The following UBXN4 variants were observed in gnomAD, a reference collection of about 807,000 sequenced individuals.
The protein encoded by UBXN4 is UBX domain-containing protein 4.
In UBXN4, 35 loss-of-function variants were observed where a neutral mutation model predicts 66.2. That is an observed-to-expected ratio of 0.53 (90% CI 0.40 to 0.70). The LOEUF is 0.70. UBXN4 is among the 30% of genes least tolerant of loss of function. The pLI is 0.00. For synonymous variants in UBXN4, 203 were observed against 204.5 expected (o/e 0.99, Z 0.06); for missense variants, 533 against 599.8 (o/e 0.89, Z 1.16).
At chr2:135,768,699 G>A (rs980612560) in intron 6 of UBXN4, among the ~76,000 whole-genome samples, 1 of 151,836 alleles carries the variant, frequency 6.6e-6, no homozygotes, top group Non-Finnish European at 1.5e-5. Context: ...GAGTAGCTGG[G>A]TTTACAGGCG....
chr2:135,776,569 T>G (rs892789313), intron 10 of UBXN4, among the ~76,000 whole-genome samples: 1 of 152,138 alleles, frequency 6.6e-6, no homozygotes, highest in African/African-American at 2.4e-5. Flanking sequence ...TTTGCTGATA[T>G]TGTATAATAG....
At chr2:135,775,269 A>G (rs1244703690) in intron 9 of UBXN4, among the ~76,000 whole-genome samples, 1 of 152,272 alleles carries the variant, frequency 6.6e-6, no homozygotes, top group African/African-American at 2.4e-5. Context: ...TAGTGTTATC[A>G]TAGGACCCAG....
chr2:135,778,558 T>A (rs910870632), intron 10 of UBXN4, among the ~76,000 whole-genome samples: 2 of 152,202 alleles, frequency 1.3e-5, no homozygotes, highest in African/African-American at 4.8e-5. Flanking sequence ...CTAGTCCAAA[T>A]TCTTAATAGG....
intron 1 of UBXN4, 140 bp downstream of exon 1, chr2:135,742,151 G>T: frequency 1.0e-6 from 1 of 1,001,322 alleles, no homozygotes; most frequent in Non-Finnish European, 1.4e-6. Context: ...ACTACCCCGC[G>T]CCCCAGGGAC....
rs757687917 is a variant in UBXN4, at chr2:135,764,881, C to T, written c.602+2970C>T. Among the ~76,000 whole-genome samples, 35 of 152,312 alleles carry T rather than the reference C, an allele frequency of 2.3e-4. 1 individual carries two copies. Among genetic ancestry groups the T allele is most frequent in the African/African-American group, 8.4e-4 (35 of 41,578 alleles). ...CCAGGCTGGAGTGCAGTGACATGAT[C>T]TCGGCTCACTGCAACCTCCTCCACC... On this transcript the variant is annotated intron_variant, in intron 6 of 12. Transcript: ENST00000272638.
chr2:135,779,879 TTATA>T (rs2077439084), intron 11 of UBXN4, among the ~76,000 whole-genome samples: 1 of 65,902 alleles, frequency 1.5e-5, no homozygotes, highest in Admixed American at 1.4e-4. Flanking sequence ...AATTTTATAA[TTATA>T]ATATATTATA....
intron 9 of UBXN4, among the ~76,000 whole-genome samples, chr2:135,774,599 C>T (rs563193808): frequency 2.6e-5 from 4 of 152,288 alleles, no homozygotes; most frequent in African/African-American, 7.2e-5. Flanking sequence ...AATCCCAGCA[C>T]TTTGGAAGAC....
In UBXN4 at chr2:135,770,579, TAAG is replaced by T. The variant is rs1251610497; in HGVS notation, c.670_672del (p.Lys224del). On this transcript the variant is annotated inframe_deletion, in exon 8 of 13. Transcript: ENST00000272638. ...CTTTTTCTTTAATTCAGAGAGAAAT[TAAG>T]AAGGAAATTGAGAGGAGAAAAACTG... The T allele has an allele frequency of 9.4e-6, 14 of 1,490,728 alleles. No homozygotes were observed. Among genetic ancestry groups the T allele is most frequent in the South Asian group, 6.9e-5 (5 of 72,436 alleles). The allele number at this position is 1,490,728 out of a possible 1,614,324, so 92.3% of individuals were successfully genotyped here. A position where few individuals can be genotyped will look rare whatever the true frequency, so the allele number is the denominator to read the frequency against.
rs574331506 is a variant in UBXN4 at position 135,761,862 on chromosome 2, G to C, written c.553G>C (p.Gly185Arg). The change falls in exon 6 of 13, where the codon GGA becomes CGA. Residue 185 changes from glycine to arginine, a missense_variant. Coordinates refer to ENST00000272638, the MANE Select transcript of UBXN4 (RefSeq NM_014607.4). The stretch of plus-strand genomic sequence containing the variant: ...TGCCACTTCCTCTCAGGAGCCTAGT[G>C]GATGCTCAGATCAGAGACCTGCAGA... ...GHATSSQEPSGCSDQRPAEDL... is the reference protein window; with the variant it reads ...GHATSSQEPSRCSDQRPAEDL... 6.2e-7 allele frequency: 1 copy of C among 1,613,706 alleles called. No homozygotes were observed. The highest frequency in any genetic ancestry group is 1.3e-5 in the African/African-American group (1 of 75,036).
rs566125500 is a variant in UBXN4, at chr2:135,781,951, A to G, written c.1389-798A>G. 4.1e-4 allele frequency among the ~76,000 whole-genome samples: 63 copies of G among 152,258 alleles called. No individual in the cohort carries two copies. In the South Asian group the frequency reaches 0.012, roughly 30 times the overall value. On this transcript the variant is annotated intron_variant, in intron 12 of 12. Transcript: ENST00000272638. The stretch of plus-strand genomic sequence containing the variant: ...GAGCTGTGTGTGATAGCGTGTGCCT[A>G]TAGTTTCAGCTGCCTGGGAAGCTGG...
chr2:135,774,126 A>G (rs527743309), intron 9 of UBXN4, among the ~76,000 whole-genome samples: 2 of 152,354 alleles, frequency 1.3e-5, no homozygotes, highest in South Asian at 2.1e-4. Flanking sequence ...ACTTACTGCA[A>G]AGCTATACAG....
chr2:135,754,020 G>A (rs1215850704), intron 3 of UBXN4, 139 bp from the exon 4 acceptor site: 1 of 646,708 alleles, frequency 1.5e-6, no homozygotes, highest in Non-Finnish European at 2.7e-6. Context: ...TAATGATGCA[G>A]TACTTGAAAT....
intron 9 of UBXN4, among the ~76,000 whole-genome samples, chr2:135,773,985 C>G (rs562972990): frequency 6.6e-6 from 1 of 152,178 alleles, no homozygotes; most frequent in African/African-American, 2.4e-5. Flanking sequence ...AGATTCAACA[C>G]TCCTATCAAA....
At chr2:135,753,873 T>C (rs2077262473) in intron 3 of UBXN4, 3 of 453,390 alleles carry the variant, frequency 6.6e-6, no homozygotes. Flanking sequence ...TGGGTTGGAA[T>C]GTTACAAGTA....
chr2:135,757,141 A>G (rs1205498627), intron 5 of UBXN4, among the ~76,000 whole-genome samples: 3 of 152,210 alleles, frequency 2.0e-5, no homozygotes, highest in Non-Finnish European at 2.9e-5. Context: ...GCTGGAATGA[A>G]TTACATGTAT....
chr2:135,755,476 T>G, intron 4 of UBXN4, 41 bp from the exon 5 acceptor site: 1 of 1,454,584 alleles, frequency 6.9e-7, no homozygotes, highest in Non-Finnish European at 9.1e-7. Context: ...TAAGTTTAGA[T>G]TCTTATCTAT....
chr2:135,755,053 G>T (rs1254801149), intron 4 of UBXN4, among the ~76,000 whole-genome samples: 1 of 152,064 alleles, frequency 6.6e-6, no homozygotes, highest in Non-Finnish European at 1.5e-5. Context: ...CAAAGTGCTG[G>T]GATTACAGGC....
At chr2:135,752,392 G>A (rs1403489451) in intron 2 of UBXN4, among the ~76,000 whole-genome samples, 1 of 152,166 alleles carries the variant, frequency 6.6e-6, no homozygotes. Context: ...ATGTTGGCCA[G>A]GCTGGTCACG....
intron 7 of UBXN4, 118 bp from the exon 8 acceptor site, chr2:135,770,453 G>A (rs944094861): frequency 3.1e-5 from 21 of 667,418 alleles, no homozygotes; most frequent in African/African-American, 1.7e-4. Flanking sequence ...TAATAAACTC[G>A]TCTAGACTTA....
Sources: allele counts gnomAD v4.1 joint callset (sites outside exome capture counted in the v4.1 genomes callset), GRCh38; gene constraint gnomAD v4.1.1; transcripts MANE v1.5; gene names NCBI Gene and HGNC (gene_info 2026-07-23, HGNC 2026-07-21).